CACNA2D4: variants seen among roughly 807,000 people sequenced by gnomAD.
CACNA2D4 encodes voltage-dependent calcium channel subunit alpha-2/delta-4.
CACNA2D4 carries 157 observed loss-of-function variants against 163.8 expected under a neutral mutation model. The ratio of observed to expected loss-of-function variants is 0.96; its 90% CI spans 0.84 to 1.09. CACNA2D4 has a LOEUF of 1.09. Among genes scored for constraint, CACNA2D4 ranks in the 50% least tolerant of loss-of-function variants. The probability of loss-of-function intolerance (pLI) is 0.00; values close to 1 mark genes in which losing one functional copy is unlikely to be tolerated. For synonymous variants in CACNA2D4, 598 were observed against 586.9 expected (o/e 1.02, Z -0.27); for missense variants, 1,410 against 1,479.9 (o/e 0.95, Z 0.78).
chr12:1,913,195 C>T (rs1866878204), intron 2 of CACNA2D4, 56 bp from the exon 3 acceptor site: 1 of 1,240,080 alleles, frequency 8.1e-7, no homozygotes, highest in Non-Finnish European at 1.2e-6. Context: ...AGGATAGTTG[C>T]ACCTGTGTAT....
rs1866960889 is a variant in CACNA2D4, at chr12:1,915,799, C to T, written c.228-864G>A. On this transcript the variant is annotated intron_variant, in intron 1 of 37. Transcript: ENST00000382722. ...GGTACACAGGGCTGGGGCTGAGCCT[C>T]TCCAGATGGAGCGGAAGTGGTTTGC... Among the ~76,000 whole-genome samples, 4 of 152,210 alleles carry T rather than the reference C, an allele frequency of 2.6e-5. No individual in the cohort carries two copies. The South Asian group carries it at 8.3e-4, about 31-fold the overall frequency.
Position 1,858,568 on chromosome 12 carries a change from C to A in CACNA2D4, c.2008+9G>T. 1 of 1,613,224 alleles carries A rather than the reference C, an allele frequency of 6.2e-7. No individual in the cohort carries two copies. The highest frequency in any genetic ancestry group is 8.5e-7 in the Non-Finnish European group (1 of 1,179,376). ...CTTAACTGTCCCTCAGCCCCTGGTA[C>A]CGACCCACCTTCTTCCACAGACGTG... On this transcript the variant is annotated intron_variant, in intron 20 of 37. Coordinates refer to ENST00000382722, the MANE Select transcript of CACNA2D4 (RefSeq NM_172364.5).
chr12:1,915,029 G>A, intron 1 of CACNA2D4, 94 bp from the exon 2 acceptor site: 1 of 919,924 alleles, frequency 1.1e-6, no homozygotes, highest in Admixed American at 1.8e-5. Context: ...CACATAGAAA[G>A]CCAGTGTCTA....
intron 35 of CACNA2D4, among the ~76,000 whole-genome samples, chr12:1,796,174 G>T (rs886457619): frequency 3.9e-5 from 6 of 152,334 alleles, no homozygotes; most frequent in Admixed American, 1.3e-4. Flanking sequence ...AAGCGGCAGC[G>T]CTGGAGCTTG....
At position 1,885,997 on chromosome 12, in the gene CACNA2D4, T is replaced by A; in HGVS notation, c.1036A>T (p.Ile346Phe). 1.2e-6 allele frequency: 2 copies of A among 1,613,616 alleles called. No individual in the cohort carries two copies. The highest frequency in any genetic ancestry group is 2.2e-5 in the East Asian group (1 of 44,858). ...VHYIEPCFKG[I>F]LVQADRDNRE... is the part of the protein sequence containing the mutation. ...TTGTCTCGGTCCGCCTGGACGAGGA[T>A]CCCTTTAAAACAAGGCTCGATGTAA... Residue 346 changes from isoleucine to phenylalanine, a missense_variant, in exon 9 of 38, where the codon ATC (isoleucine) becomes TTC (phenylalanine). By Grantham distance (21) the Ile-to-Phe change is conservative. Transcript: ENST00000382722.
chr12:1,834,207 G>T lies in CACNA2D4; in HGVS notation c.2551+6532C>A. 2 of 1,507,430 alleles carry T rather than the reference G, an allele frequency of 1.3e-6. No individual in the cohort carries two copies. Among genetic ancestry groups the T allele is most frequent in the Non-Finnish European group, 1.8e-6 (2 of 1,128,108 alleles). The allele number at this position is 1,507,430 out of a possible 1,614,324, so 93.4% of individuals were successfully genotyped here. A position where few individuals can be genotyped will look rare whatever the true frequency, so the allele number is the denominator to read the frequency against. On this transcript the variant is annotated intron_variant, in intron 26 of 37. Coordinates refer to ENST00000382722, the MANE Select transcript of CACNA2D4 (RefSeq NM_172364.5). The surrounding 1 kb of genome is among the most constrained non-coding windows in gnomAD (Gnocchi z 7.6). ...TTCCGTTTTGGGGAGCTGGGGATGG[G>T]GAGAGGGAGTGCAAGTTCTAGATGC...
rs778919030 is a variant in CACNA2D4 at position 1,795,311 on chromosome 12, G to A, written c.3297C>T (p.Ala1099=). The A allele has an allele frequency of 1.9e-6, 3 of 1,613,062 alleles. No homozygotes were observed. The African/African-American group carries it at 4.0e-5, about 22-fold the overall frequency. The stretch of plus-strand genomic sequence containing the variant: ...CCTCAACCCGCACCTCTGGATGGAA[G>A]GCGTGGCAGGAGTCTGGTCGCCGGC... ...KLRRRPDSCH[A]FHPEENAQDC... is the part of the protein sequence containing the mutation. Residue 1099 remains alanine, a synonymous_variant, in exon 37 of 38, where the codon GCC becomes GCT. Coordinates refer to ENST00000382722, the MANE Select transcript of CACNA2D4 (RefSeq NM_172364.5).
At position 1,907,975 on chromosome 12, in the gene CACNA2D4, C is replaced by T. The variant is rs1866706979; in HGVS notation, c.549G>A (p.Leu183=). The T allele has an allele frequency of 1.2e-6, 2 of 1,613,926 alleles. No homozygotes were observed. Among genetic ancestry groups the T allele is most frequent in the Non-Finnish European group, 1.7e-6 (2 of 1,179,876 alleles). Residue 183 remains leucine, a synonymous_variant, in exon 5 of 38, where the codon CTG becomes CTA. Coordinates refer to ENST00000382722, the MANE Select transcript of CACNA2D4 (RefSeq NM_172364.5). ...ERDEKGNFVE[L]GAEFLLESNA... is the part of the protein sequence containing the mutation. ...TGGACTCCAGGAGGAACTCGGCGCC[C>T]AGCTCCACGAAGTTGCCCTTCTCGT...
Position 1,879,879 on chromosome 12 carries a change from G to A in CACNA2D4, c.1488C>T (p.Leu496=), listed in dbSNP as rs1172645044. ...IWTEAYMDSK[L]LSSQAQSLTL... is the part of the protein sequence containing the mutation. The stretch of plus-strand genomic sequence containing the variant: ...TCAGGCTCTGAGCCTGCGAGCTGAG[G>A]AGCTGTAAGGGAGGGGAGAACAGGG... The change falls in exon 14 of 38, where the codon CTC becomes CTT. Residue 496 remains leucine, a splice_region_variant and synonymous_variant. Transcript: ENST00000382722. 1 of 1,593,882 alleles carries A rather than the reference G, an allele frequency of 6.3e-7. No homozygotes were observed. The highest frequency in any genetic ancestry group is 1.1e-5 in the South Asian group (1 of 87,376).
chr12:1,800,484 G>A (rs749504100), intron 31 of CACNA2D4, 46 bp from the exon 32 acceptor site: 3 of 1,590,802 alleles, frequency 1.9e-6, no homozygotes, highest in Non-Finnish European at 2.6e-6. Flanking sequence ...GTCCAAGGGT[G>A]AGGGTGCCCC....
chr12:1,879,822 G>A lies in CACNA2D4; in HGVS notation c.1545C>T (p.Phe515=). 6.2e-7 allele frequency: 1 copy of A among 1,602,772 alleles called. No homozygotes were observed. Among genetic ancestry groups the A allele is most frequent in the African/African-American group, 1.3e-5 (1 of 74,866 alleles). ...TLLTTVAMPV[F]SKKNETRSHG... ...CACTCACCGTTTCGTTCTTCTTGCT[G>A]AAGACTGGCATGGCCACAGTGGTGA... The change falls in exon 14 of 38, where the codon TTC becomes TTT. Residue 515 remains phenylalanine, a synonymous_variant. Coordinates refer to ENST00000382722, the MANE Select transcript of CACNA2D4 (RefSeq NM_172364.5).
chr12:1,908,173 G>T, intron 4 of CACNA2D4, 136 bp from the exon 5 acceptor site: 1 of 895,296 alleles, frequency 1.1e-6, no homozygotes, highest in South Asian at 1.7e-5. Context: ...AAGCACCCGC[G>T]GCGGCGCGCT....
At chr12:1,830,917 T>A (rs1338373331) in intron 26 of CACNA2D4, 1 of 1,578,494 alleles carries the variant, frequency 6.3e-7, no homozygotes, top group Non-Finnish European at 8.6e-7. Context: ...CTTTCCCCCG[T>A]CTGTCCCTCC....
intron 1 of CACNA2D4, among the ~76,000 whole-genome samples, chr12:1,915,662 C>T (rs1866956364): frequency 1.3e-5 from 2 of 152,344 alleles, no homozygotes; most frequent in South Asian, 2.1e-4. Flanking sequence ...AAGGAGGCCA[C>T]ACCTCACCCT....
At chr12:1,840,440 A>AG (rs1491189115) in intron 26 of CACNA2D4, among the ~76,000 whole-genome samples, 5 of 1,360 alleles carry the variant, frequency 3.7e-3, no homozygotes, top group Non-Finnish European at 6.3e-3. Flanking sequence ...ATTATGTGGA[A>AG]GAGGGGGGTG....
At position 1,883,142 on chromosome 12, in the gene CACNA2D4, C is replaced by A; in HGVS notation, c.1352-142G>T. The A allele has an allele frequency of 1.0e-6, 1 of 983,190 alleles. No individual in the cohort carries two copies. 60.9% of individuals were successfully genotyped at this position (983,190 alleles called of 1,614,324 possible). On this transcript the variant is annotated intron_variant, in intron 12 of 37. Transcript: ENST00000382722. The surrounding 1 kb of genome is among the most constrained non-coding windows in gnomAD (Gnocchi z 4.5). ...GGACCGGGGCACAGGGAGCTGCTTC[C>A]CCACAGTTGTGTCCTTTACCCAGGG...
intron 3 of CACNA2D4, 25 bp from the exon 4 acceptor site, chr12:1,909,990 G>A (rs760128517): frequency 3.1e-6 from 5 of 1,607,824 alleles, no homozygotes; most frequent in Non-Finnish European, 4.3e-6. Flanking sequence ...CACAGAGGTA[G>A]GGAGAATGGG....
At chr12:1,800,816 T>C (rs1863293044) in intron 31 of CACNA2D4, 1 of 597,398 alleles carries the variant, frequency 1.7e-6, no homozygotes, top group Non-Finnish European at 3.0e-6. Context: ...CACTGTTGTG[T>C]CACAACTACC....
rs181436784 is a variant in CACNA2D4 at position 1,828,089 on chromosome 12, C to T, written c.2551+12650G>A. The T allele has an allele frequency of 9.8e-4, 1,404 of 1,436,118 alleles. 1 individual carries two copies. The highest frequency in any genetic ancestry group is 1.2e-3 in the Non-Finnish European group (1,283 of 1,083,428). 89.0% of individuals were successfully genotyped at this position (1,436,118 alleles called of 1,614,324 possible). ...TCCCTCCCTCAGGACTGACAGGCGG[C>T]GCACCCAGGGGCTCCTCTCTCCCCA... On this transcript the variant is annotated intron_variant, in intron 26 of 37. Transcript: ENST00000382722. This position sits in a 1 kb window ranked among gnomAD's most constrained non-coding sequence, Gnocchi z 4.2.
Sources: allele counts gnomAD v4.1 joint callset (sites outside exome capture counted in the v4.1 genomes callset), GRCh38; gene constraint gnomAD v4.1.1; non-coding constraint Gnocchi (gnomAD v3.1); transcripts MANE v1.5; gene names NCBI Gene and HGNC (gene_info 2026-07-23, HGNC 2026-07-21).